Variants in VRK2 observed in about 807,000 individuals in gnomAD.
The protein encoded by VRK2 is serine/threonine-protein kinase VRK2.
In VRK2, 60 loss-of-function variants were observed where a neutral mutation model predicts 57.6. The ratio of observed to expected loss-of-function variants is 1.04; its 90% CI spans 0.85 to 1.29. The LOEUF is 1.29. Ranked by LOEUF, VRK2 falls within the 50% of genes most tolerant of loss-of-function variation. The pLI is 0.00. For missense variants in VRK2, 705 were observed against 588.1 expected (o/e 1.20, Z -2.06); for synonymous variants, 231 against 199.2 (o/e 1.16, Z -1.35).
At chr2:58,000,251 C>T (rs866469068) in intron 1 of VRK2, among the ~76,000 whole-genome samples, 111 of 152,230 alleles carry the variant, frequency 7.3e-4, no homozygotes, top group African/African-American at 2.6e-3. Flanking sequence ...CTTACAGAAA[C>T]TAATAAGGTT....
chr2:57,925,147 G>A (rs536234015), intron 1 of VRK2, among the ~76,000 whole-genome samples: 170 of 152,116 alleles, frequency 1.1e-3, no homozygotes, highest in Middle Eastern at 3.4e-3. Flanking sequence ...ATATTCATCA[G>A]AAATATTGGC....
intron 12 of VRK2, among the ~76,000 whole-genome samples, chr2:58,157,534 T>TATCA (rs766734201): frequency 5.9e-5 from 9 of 152,190 alleles, no homozygotes; most frequent in African/African-American, 9.7e-5. Context: ...ACCAATGCTC[T>TATCA]ATCACAGTAG....
At chr2:57,927,279 C>G (rs1425301847) in intron 1 of VRK2, among the ~76,000 whole-genome samples, 1 of 137,060 alleles carries the variant, frequency 7.3e-6, no homozygotes, top group East Asian at 2.1e-4. Flanking sequence ...ATATTTTAGT[C>G]TTTTTTTTTT....
At chr2:58,075,705 T>C (rs1670005165) in intron 2 of VRK2, among the ~76,000 whole-genome samples, 1 of 152,164 alleles carries the variant, frequency 6.6e-6, no homozygotes, top group Non-Finnish European at 1.5e-5. Flanking sequence ...CTCAGCTTCC[T>C]GTACCCTACT....
rs1442691336 is a variant in VRK2 at position 58,084,887 on chromosome 2, C to G, written c.193C>G (p.Gln65Glu). Residue 65 changes from glutamine (Q) to glutamate (E), a missense_variant, in exon 4 of 13, where the codon CAA becomes GAA. Gln to Glu is a conservative substitution (Grantham distance 29). Coordinates refer to ENST00000340157, the MANE Select transcript of VRK2 (RefSeq NM_006296.7). ...ATTATTCTTTTTTTTATAGGAATAT[C>G]AAGAAAATGGCCCGTTATTTTCAGA... ...DARHVVKVEY[Q>E]ENGPLFSELK... is the part of the protein sequence containing the mutation. 3 of 1,563,960 alleles carry G rather than the reference C, an allele frequency of 1.9e-6. No homozygotes were observed. The highest frequency in any genetic ancestry group is 2.3e-5 in the East Asian group (1 of 43,540).
rs1260493112 is a variant in VRK2, at chr2:58,139,739, G to A, written c.930G>A (p.Lys310=). The change falls in exon 11 of 13, where the codon AAG becomes AAA. Residue 310 remains lysine (K), a synonymous_variant. Coordinates refer to ENST00000340157, the MANE Select transcript of VRK2 (RefSeq NM_006296.7). The stretch of plus-strand genomic sequence containing the variant: ...AAAAGCCAAACTATCAAGCCCTCAA[G>A]AAAATTTTGAACCCTCATGGAATAC... The part of the protein sequence containing the change: ...YDEKPNYQAL[K]KILNPHGIPL... 1 of 1,613,058 alleles carries A rather than the reference G, an allele frequency of 6.2e-7. No individual in the cohort carries two copies. Among genetic ancestry groups the A allele is most frequent in the African/African-American group, 1.3e-5 (1 of 74,850 alleles).
chr2:58,035,356 TC>T (rs1426644610), intron 3 of VRK2, among the ~76,000 whole-genome samples: 1 of 152,066 alleles, frequency 6.6e-6, no homozygotes, highest in African/African-American at 2.4e-5. Flanking sequence ...GTCTATGGTC[TC>T]CTTACTCTCT....
At chr2:58,122,973 C>A in intron 7 of VRK2, 128 bp from the exon 8 acceptor site, 2 of 1,168,318 alleles carry the variant, frequency 1.7e-6, no homozygotes, top group South Asian at 2.1e-5. Context: ...TATCCTAAGG[C>A]ACCATTTGGT....
At chr2:58,048,492 C>T (rs2103769717) in intron 1 of VRK2, 1 of 1,152,404 alleles carries the variant, frequency 8.7e-7, no homozygotes. Flanking sequence ...TATTTTCTTT[C>T]TTCATTGGAA....
chr2:58,056,924 G>A (rs964165885), intron 2 of VRK2, among the ~76,000 whole-genome samples: 3 of 152,120 alleles, frequency 2.0e-5, no homozygotes, highest in Non-Finnish European at 4.4e-5. Context: ...GGCTTGGTAG[G>A]CTTTATGAAA....
At chr2:58,125,854 A>G (rs1440647980) in intron 8 of VRK2, among the ~76,000 whole-genome samples, 2 of 152,104 alleles carry the variant, frequency 1.3e-5, no homozygotes, top group Non-Finnish European at 2.9e-5. Context: ...AATGGAATGT[A>G]TGACATCCTC....
chr2:58,032,644 G>T (rs1018792146), intron 2 of VRK2, among the ~76,000 whole-genome samples: 1 of 152,066 alleles, frequency 6.6e-6, no homozygotes, highest in South Asian at 2.1e-4. Flanking sequence ...TGAGATAAAG[G>T]GGTGCTAGCT....
At chr2:58,108,092 A>G (rs1675016629) in intron 7 of VRK2, among the ~76,000 whole-genome samples, 1 of 152,124 alleles carries the variant, frequency 6.6e-6, no homozygotes, top group South Asian at 2.1e-4. Flanking sequence ...CCAGTCAGCT[A>G]GTTTGCTTTT....
At chr2:58,057,207 A>G (rs1413109514) in intron 2 of VRK2, among the ~76,000 whole-genome samples, 1 of 152,114 alleles carries the variant, frequency 6.6e-6, no homozygotes, top group Non-Finnish European at 1.5e-5. Context: ...CTGTTCTATT[A>G]TGATTTTCCC....
intron 1 of VRK2, among the ~76,000 whole-genome samples, chr2:58,002,476 CA>C (rs1165597505): frequency 4.1e-5 from 6 of 144,830 alleles, no homozygotes; most frequent in Admixed American, 6.9e-5. Context: ...ATTCCATCTC[CA>C]AAAAAAAAAG....
chr2:58,131,727 G>T, intron 8 of VRK2, 81 bp from the exon 9 acceptor site: 1 of 1,458,494 alleles, frequency 6.9e-7, no homozygotes, highest in Non-Finnish European at 9.1e-7. Flanking sequence ...TATTTCATCA[G>T]TAGTAGTTCA....
chr2:58,147,507 A>C lies in VRK2; in HGVS notation c.1182+1033A>C, dbSNP rs184015483. Reference sequence around the variant, plus strand: ...ATCTCTAGTTGAGAGATTCTTTTTCAACCCTTACTTAAGTCCACCAAAATC... The same window carrying C: ...ATCTCTAGTTGAGAGATTCTTTTTCCACCCTTACTTAAGTCCACCAAAATC... On this transcript the variant is annotated intron_variant, in intron 12 of 12. Transcript: ENST00000340157. 2.0e-5 allele frequency among the ~76,000 whole-genome samples: 3 copies of C among 151,990 alleles called. No homozygotes were observed. In the East Asian group the frequency reaches 5.8e-4, roughly 29 times the overall value.
chr2:58,119,852 A>C (rs535881119), intron 7 of VRK2, among the ~76,000 whole-genome samples: 1 of 151,798 alleles, frequency 6.6e-6, no homozygotes, highest in Non-Finnish European at 1.5e-5. Flanking sequence ...TAGGAAAAAA[A>C]GGTTTATATG....
intron 2 of VRK2, among the ~76,000 whole-genome samples, chr2:58,064,600 C>T (rs1337072414): frequency 1.3e-5 from 2 of 152,134 alleles, no homozygotes; most frequent in Non-Finnish European, 2.9e-5. Flanking sequence ...ATTCACACTA[C>T]TTGCTTCATG....
Sources: allele counts gnomAD v4.1 joint callset (sites outside exome capture counted in the v4.1 genomes callset), GRCh38; gene constraint gnomAD v4.1.1; transcripts MANE v1.5; gene names NCBI Gene and HGNC (gene_info 2026-07-23, HGNC 2026-07-21).